Variants in TMEM170A observed in about 807,000 individuals in gnomAD.
The protein encoded by TMEM170A is transmembrane protein 170.
Under a neutral mutation model 12.8 loss-of-function variants are expected in TMEM170A, and 18 were observed. The observed-to-expected ratio is 1.41, with a 90% CI of 0.97 to 2.09. The LOEUF (loss-of-function observed/expected upper bound fraction) is 2.09, where lower values mean the gene tolerates loss of function less well. Ranked by LOEUF, TMEM170A falls within the 30% of genes most tolerant of loss-of-function variation. TMEM170A has a pLI of 0.00. For missense variants in TMEM170A, 220 were observed against 179.9 expected, an observed-to-expected ratio of 1.22 and a Z score of -1.28; for synonymous variants, 107 against 76.2, an observed-to-expected ratio of 1.40 and a Z score of -2.11.
chr16:75,462,376 C>T (rs1206860787), intron 1 of TMEM170A, among the ~76,000 whole-genome samples: 2 of 152,174 alleles, frequency 1.3e-5, no homozygotes, highest in South Asian at 2.1e-4. Flanking sequence ...CACACCACTA[C>T]GCCTGACTTT....
intron 1 of TMEM170A, chr16:75,464,121 G>A (rs1257379840): frequency 1.7e-6 from 2 of 1,205,366 alleles, no homozygotes; most frequent in Admixed American, 4.3e-5. Context: ...GCAGGGCGGG[G>A]ACCACAGCCT....
chr16:75,461,523 T>C (rs2079908628), intron 1 of TMEM170A, among the ~76,000 whole-genome samples: 1 of 152,230 alleles, frequency 6.6e-6, no homozygotes, highest in Non-Finnish European at 1.5e-5. Flanking sequence ...GCAAGTAACC[T>C]TTTCTGTGGG....
rs149828906 is a variant in TMEM170A at position 75,462,590 on chromosome 16, C to T, written c.133+1878G>A. On this transcript the variant is annotated intron_variant, in intron 1 of 2. Transcript: ENST00000561878. ...AGCGTTCTGACCAAAAATGTTTAAT[C>T]TAAATCTAATCATGAAGACCATCTA... 7.1e-3 allele frequency among the ~76,000 whole-genome samples: 1,074 copies of T among 152,326 alleles called. 13 individuals carry two copies. Among genetic ancestry groups the T allele is most frequent in the South Asian group, 0.025 (123 of 4,830 alleles).
At chr16:75,456,136 G>C (rs932418621) in intron 1 of TMEM170A, among the ~76,000 whole-genome samples, 1 of 152,170 alleles carries the variant, frequency 6.6e-6, no homozygotes, top group Non-Finnish European at 1.5e-5. Flanking sequence ...CATTGTCACA[G>C]ATGACTGCTC....
Position 75,464,486 on chromosome 16 carries a change from A to G in TMEM170A, c.115T>C (p.Ser39Pro), listed in dbSNP as rs1256638094. The part of the protein sequence containing the change: ...GNGTLCPNST[S>P]LCSFPEMWYG... ...GCCGTACCTGGGAAGGAGCAGAGGG[A>G]AGTAGAGTTGGGGCACAGGGTCCCG... Residue 39 changes from serine (S) to proline (P), a missense_variant, in exon 1 of 3, where the codon TCC becomes CCC. Physicochemically the swap from Ser to Pro is moderately conservative, Grantham distance 74. Coordinates refer to ENST00000561878, the MANE Select transcript of TMEM170A (RefSeq NM_145254.3). 9 of 1,564,722 alleles carry G rather than the reference A, an allele frequency of 5.8e-6. No homozygotes were observed. The Admixed American group carries it at 1.1e-4, about 20-fold the overall frequency.
chr16:75,451,005 C>G (rs760581108), intron 2 of TMEM170A, among the ~76,000 whole-genome samples: 1 of 152,116 alleles, frequency 6.6e-6, no homozygotes, highest in South Asian at 2.1e-4. Flanking sequence ...TTTACAGCAA[C>G]CACACCCACA....
intron 1 of TMEM170A, among the ~76,000 whole-genome samples, chr16:75,452,214 G>A (rs750159857): frequency 9.8e-4 from 149 of 151,836 alleles, no homozygotes; most frequent in Admixed American, 2.1e-3. Flanking sequence ...CTCATGATCC[G>A]CCCGCCTCGG....
chr16:75,454,194 C>T (rs182925224), intron 1 of TMEM170A, among the ~76,000 whole-genome samples: 1 of 134,084 alleles, frequency 7.5e-6, no homozygotes, highest in African/African-American at 2.5e-5. Context: ...TGGAGAGGCA[C>T]CTCTGGCCTG....
intron 2 of TMEM170A, 87 bp from the exon 3 acceptor site, chr16:75,447,775 G>A (rs908212590): frequency 8.0e-6 from 11 of 1,380,486 alleles, no homozygotes; most frequent in Admixed American, 4.9e-5. Context: ...ATACTACTGC[G>A]AGTAGAATGT....
chr16:75,463,932 G>C lies in TMEM170A; in HGVS notation c.133+536C>G, dbSNP rs1032422623. On this transcript the variant is annotated intron_variant, in intron 1 of 2. Coordinates refer to ENST00000561878, the MANE Select transcript of TMEM170A (RefSeq NM_145254.3). The stretch of plus-strand genomic sequence containing the variant: ...GGTCTGGGAAAGATTCCTAGAAAGC[G>C]GAGCGGGTCTCGGAGGGGGAGGATT... Among the ~76,000 whole-genome samples the C allele has an allele frequency of 6.6e-5, 10 of 152,362 alleles. No individual in the cohort carries two copies. In the East Asian group the frequency reaches 1.7e-3, roughly 26 times the overall value.
chr16:75,463,202 T>C (rs1418363191), intron 1 of TMEM170A, among the ~76,000 whole-genome samples: 1 of 152,128 alleles, frequency 6.6e-6, no homozygotes, highest in African/African-American at 2.4e-5. Flanking sequence ...AAGGGGAAAA[T>C]TAAGGAAACA....
intron 1 of TMEM170A, chr16:75,458,151 G>C (rs192573809): frequency 6.6e-6 from 1 of 152,172 alleles, no homozygotes; most frequent in East Asian, 1.9e-4. Flanking sequence ...GTATTTATTT[G>C]TTCACTGCTT....
chr16:75,447,874 T>C (rs533461623), intron 2 of TMEM170A, among the ~76,000 whole-genome samples, 186 bp from the exon 3 acceptor site: 7 of 152,328 alleles, frequency 4.6e-5, no homozygotes, highest in East Asian at 1.9e-4. Flanking sequence ...TGAGTATTCA[T>C]TGCATGGCTT....
Position 75,464,662 on chromosome 16 carries a change from G to GCCGACTCACCCTCGCCGCCT in TMEM170A, c.-82_-63dup. Reference sequence around the variant, plus strand: ...CGCCCGAAGTGCGGTAGCGGCCGGCGCCGACTCACCCTCGCCGCCTCAGCG... The same window carrying GCCGACTCACCCTCGCCGCCT: ...CGCCCGAAGTGCGGTAGCGGCCGGCGCCGACTCACCCTCGCCGCCTCCGACTCACCCTCGCCGCCTCAGCG... On this transcript the variant is annotated 5_prime_UTR_variant, in exon 1 of 3. Coordinates refer to ENST00000561878, the MANE Select transcript of TMEM170A (RefSeq NM_145254.3). 6.5e-7 allele frequency: 1 copy of GCCGACTCACCCTCGCCGCCT among 1,531,476 alleles called. No homozygotes were observed. Among genetic ancestry groups the GCCGACTCACCCTCGCCGCCT allele is most frequent in the African/African-American group, 1.4e-5 (1 of 69,792 alleles). 94.9% of individuals were successfully genotyped at this position (1,531,476 alleles called of 1,614,324 possible). A position where few individuals can be genotyped will look rare whatever the true frequency, so the allele number is the denominator to read the frequency against.
intron 1 of TMEM170A, among the ~76,000 whole-genome samples, chr16:75,459,288 C>T (rs565933008): frequency 6.6e-6 from 1 of 152,312 alleles, no homozygotes; most frequent in Admixed American, 6.5e-5. Flanking sequence ...TCTGTATTAA[C>T]AAAAGCGGTC....
intron 2 of TMEM170A, among the ~76,000 whole-genome samples, chr16:75,450,557 G>A (rs2079664525): frequency 6.6e-6 from 1 of 152,054 alleles, no homozygotes; most frequent in Non-Finnish European, 1.5e-5. Flanking sequence ...CCAAAAACAA[G>A]CCTGAAAATA....
At position 75,447,620 on chromosome 16, in the gene TMEM170A, C is replaced by A. The variant is rs763711683; in HGVS notation, c.373G>T (p.Gly125Cys). The A allele has an allele frequency of 6.2e-7, 1 of 1,612,302 alleles. No individual in the cohort carries two copies. Among genetic ancestry groups the A allele is most frequent in the Non-Finnish European group, 8.5e-7 (1 of 1,179,326 alleles). Residue 125 changes from glycine to cysteine, a missense_variant, in exon 3 of 3, where the codon GGC (glycine) becomes TGC (cysteine). By Grantham distance (159) the Gly-to-Cys change is radical (BLOSUM62 -3). Coordinates refer to ENST00000561878, the MANE Select transcript of TMEM170A (RefSeq NM_145254.3). Reference protein sequence around the residue: ...EMIPFEALTLGTGQTFCVLVV... With the variant: ...EMIPFEALTLCTGQTFCVLVV... ...AAGACGCAAAATGTCTGTCCAGTGCCCAGTGTGAGGGCTTCAAATGGTATC... is the reference window on the plus strand; with the variant it reads ...AAGACGCAAAATGTCTGTCCAGTGCACAGTGTGAGGGCTTCAAATGGTATC...
At position 75,447,600 on chromosome 16, in the gene TMEM170A, G is replaced by C; in HGVS notation, c.393C>G (p.Cys131Trp). 3.7e-6 allele frequency: 6 copies of C among 1,611,872 alleles called. No homozygotes were observed. The highest frequency in any genetic ancestry group is 5.1e-6 in the Non-Finnish European group (6 of 1,178,928). Reference protein sequence around the residue: ...ALTLGTGQTFCVLVVSFLRIL... With the variant: ...ALTLGTGQTFWVLVVSFLRIL... ...TCCGTAAAAAGGAGACCACCAAGAC[G>C]CAAAATGTCTGTCCAGTGCCCAGTG... Residue 131 changes from cysteine to tryptophan, a missense_variant, in exon 3 of 3, where the codon TGC becomes TGG. Physicochemically the swap from Cys to Trp is radical, Grantham distance 215. Transcript: ENST00000561878.
chr16:75,454,742 G>T (rs960404391), intron 1 of TMEM170A, among the ~76,000 whole-genome samples: 1 of 152,242 alleles, frequency 6.6e-6, no homozygotes, highest in South Asian at 2.1e-4. Flanking sequence ...TAAAGTGCCA[G>T]TATAGGTTTT....
Sources: allele counts gnomAD v4.1 joint callset (sites outside exome capture counted in the v4.1 genomes callset), GRCh38; gene constraint gnomAD v4.1.1; transcripts MANE v1.5; gene names NCBI Gene and HGNC (gene_info 2026-07-23, HGNC 2026-07-21).